Variants in MGAT4C observed in about 807,000 individuals in gnomAD.
MGAT4C encodes alpha-1,3-mannosyl-glycoprotein 4-beta-N-acetylglucosaminyltransferase C.
In MGAT4C, 19 loss-of-function variants were observed where a neutral mutation model predicts 40.1. That is an observed-to-expected ratio of 0.47 (90% CI 0.33 to 0.70). MGAT4C has a LOEUF of 0.70. Ranked by LOEUF, MGAT4C falls within the 30% of genes least tolerant of loss-of-function variation. MGAT4C has a pLI of 0.02. For missense variants in MGAT4C, 491 were observed against 563.2 expected (o/e 0.87, Z 1.30); for synonymous variants, 181 against 187.1 (o/e 0.97, Z 0.27).
intron 2 of MGAT4C, among the ~76,000 whole-genome samples, chr12:86,513,297 C>G (rs998132676): frequency 1.3e-5 from 2 of 151,878 alleles, no homozygotes; most frequent in Non-Finnish European, 2.9e-5. Context: ...CATTCAATAC[C>G]ACATGACTCA....
At chr12:86,496,582 TTTGA>T (rs58766546) in intron 2 of MGAT4C, among the ~76,000 whole-genome samples, 14,942 of 152,054 alleles carry the variant, frequency 0.098, 979 homozygotes, top group Middle Eastern at 0.25. Flanking sequence ...GATAAATGTG[TTTGA>T]TTGTTCTTTC....
At chr12:86,720,001 C>G (rs1321129744) in intron 2 of MGAT4C, among the ~76,000 whole-genome samples, 3 of 152,146 alleles carry the variant, frequency 2.0e-5, no homozygotes, top group African/African-American at 7.2e-5. Flanking sequence ...GGATCCTTAA[C>G]AGAGGGCTAT....
chr12:86,792,948 G>A (rs1952051834), intron 1 of MGAT4C, among the ~76,000 whole-genome samples: 1 of 151,946 alleles, frequency 6.6e-6, no homozygotes, highest in Admixed American at 6.6e-5. Flanking sequence ...AACAAAACTA[G>A]TTGAAATAAC....
intron 1 of MGAT4C, among the ~76,000 whole-genome samples, chr12:86,783,342 A>G (rs1951875515): frequency 6.6e-6 from 1 of 152,204 alleles, no homozygotes; most frequent in African/African-American, 2.4e-5. Flanking sequence ...ATATTTACAC[A>G]GTTTGATGTA....
chr12:86,247,192 C>G (rs545757768), intron 1 of MGAT4C, among the ~76,000 whole-genome samples: 1 of 152,176 alleles, frequency 6.6e-6, no homozygotes, highest in Non-Finnish European at 1.5e-5. Flanking sequence ...GGGTTACACA[C>G]ATATTAGTGG....
intron 1 of MGAT4C, among the ~76,000 whole-genome samples, chr12:86,763,258 C>A (rs902476921): frequency 6.6e-6 from 1 of 152,160 alleles, no homozygotes; most frequent in Non-Finnish European, 1.5e-5. Flanking sequence ...AATTATGAAT[C>A]TATTCTGCTA....
At chr12:86,514,776 C>G (rs1443272039) in intron 2 of MGAT4C, among the ~76,000 whole-genome samples, 1 of 152,098 alleles carries the variant, frequency 6.6e-6, no homozygotes, top group Admixed American at 6.6e-5. Flanking sequence ...ATCATTGGTT[C>G]CAGAGATTAG....
At chr12:86,555,729 C>A (rs115758980) in intron 2 of MGAT4C, among the ~76,000 whole-genome samples, 1 of 152,144 alleles carries the variant, frequency 6.6e-6, no homozygotes, top group East Asian at 1.9e-4. Context: ...TAATGCAGAG[C>A]GCCCTTTTGA....
chr12:86,048,841 G>A (rs920712036), intron 2 of MGAT4C, among the ~76,000 whole-genome samples: 3 of 152,018 alleles, frequency 2.0e-5, no homozygotes, highest in African/African-American at 7.2e-5. Flanking sequence ...AACTGTCTGA[G>A]TTGTTACAAT....
chr12:86,439,275 T>C (rs571106714), intron 2 of MGAT4C, among the ~76,000 whole-genome samples: 1 of 152,130 alleles, frequency 6.6e-6, no homozygotes, highest in Admixed American at 6.6e-5. Flanking sequence ...ATATCAAGTA[T>C]CTTCTCAAAC....
intron 2 of MGAT4C, among the ~76,000 whole-genome samples, chr12:86,678,325 G>C (rs930697697): frequency 3.3e-5 from 5 of 151,834 alleles, no homozygotes; most frequent in Admixed American, 2.6e-4. Context: ...GGCTCAGTAG[G>C]CCTTTTGATT....
At chr12:86,837,906 G>T (rs947153922) in intron 1 of MGAT4C, among the ~76,000 whole-genome samples, 1 of 151,992 alleles carries the variant, frequency 6.6e-6, no homozygotes, top group African/African-American at 2.4e-5. Flanking sequence ...TTCGAATAAG[G>T]CTTTCTCCCA....
chr12:86,359,068 T>G (rs535485426), intron 3 of MGAT4C, among the ~76,000 whole-genome samples: 8 of 152,148 alleles, frequency 5.3e-5, no homozygotes, highest in Admixed American at 4.6e-4. Context: ...ATTGACCACA[T>G]AGTTGGAAGG....
At chr12:86,691,276 T>A (rs1337977988) in intron 2 of MGAT4C, among the ~76,000 whole-genome samples, 1 of 152,196 alleles carries the variant, frequency 6.6e-6, no homozygotes, top group African/African-American at 2.4e-5. Flanking sequence ...AGAGTCAAGA[T>A]TCAGTATAAG....
At position 86,765,309 on chromosome 12, in the gene MGAT4C, G is replaced by T. The variant is rs187212423; in HGVS notation, c.-261-38068C>A. Among the ~76,000 whole-genome samples, 667 of 152,100 alleles carry T rather than the reference G, an allele frequency of 4.4e-3. 2 individuals are homozygous for T. Among genetic ancestry groups the T allele is most frequent in the African/African-American group, 0.015 (643 of 41,516 alleles). ...AATGAAATGAAGCAAGAAGGGAAGT[G>T]TAGAGAAAAAAGAATAAAAAGAAAT... On this transcript the variant is annotated intron_variant, in intron 1 of 7. Coordinates refer to the MGAT4C transcript ENST00000548651.
chr12:86,510,735 A>C (rs1486571638), intron 2 of MGAT4C, among the ~76,000 whole-genome samples: 1 of 152,220 alleles, frequency 6.6e-6, no homozygotes, highest in African/African-American at 2.4e-5. Context: ...AGATCAAAAG[A>C]GACAAAGAAG....
intron 2 of MGAT4C, among the ~76,000 whole-genome samples, chr12:86,025,726 T>C (rs1419731745): frequency 3.3e-5 from 5 of 151,716 alleles, no homozygotes; most frequent in Admixed American, 6.6e-5. Flanking sequence ...AATTACTAGA[T>C]ATTATCATAT....
chr12:86,389,973 A>G (rs1956135298), intron 3 of MGAT4C, among the ~76,000 whole-genome samples: 1 of 152,206 alleles, frequency 6.6e-6, no homozygotes, highest in Non-Finnish European at 1.5e-5. Context: ...ATGTATTTGT[A>G]TAATTTGATT....
At chr12:86,133,706 T>C (rs745999039) in intron 1 of MGAT4C, among the ~76,000 whole-genome samples, 13 of 152,132 alleles carry the variant, frequency 8.5e-5, no homozygotes, top group Non-Finnish European at 8.8e-5. Context: ...CAATTTACAA[T>C]GAAAAACAGT....
Sources: allele counts gnomAD v4.1 joint callset (sites outside exome capture counted in the v4.1 genomes callset), GRCh38; gene constraint gnomAD v4.1.1; transcripts MANE v1.5; gene names NCBI Gene and HGNC (gene_info 2026-07-23, HGNC 2026-07-21).